The following CFAP77 variants were observed in gnomAD, a reference collection of about 807,000 sequenced individuals.
CFAP77 encodes the protein cilia and flagella associated protein 77, also known as cilia- and flagella-associated protein 77.
CFAP77 carries 25 observed loss-of-function variants against 31.1 expected under a neutral mutation model. That is an observed-to-expected ratio of 0.80 (90% CI 0.59 to 1.12). The LOEUF (loss-of-function observed/expected upper bound fraction) is 1.12. CFAP77 is among the 50% of genes most tolerant of loss of function. The pLI is 0.00. For missense variants in CFAP77, 377 were observed against 397.3 expected (o/e 0.95, Z 0.44); for synonymous variants, 151 against 159.9 (o/e 0.94, Z 0.42).
At chr9:132,458,342 C>CGGGGGGG (rs1554738844) in intron 1 of CFAP77, among the ~76,000 whole-genome samples, 5 of 71,218 alleles carry the variant, frequency 7.0e-5, no homozygotes, top group Admixed American at 3.2e-4. Flanking sequence ...GTCTCCCTGG[C>CGGGGGGG]GGGGGAGGGG....
chr9:132,429,506 C>G (rs913789720), intron 1 of CFAP77, among the ~76,000 whole-genome samples: 3 of 134,486 alleles, frequency 2.2e-5, no homozygotes, highest in Non-Finnish European at 4.6e-5. Flanking sequence ...CCACCGCACT[C>G]TAGCCCAGGT....
chr9:132,498,721 A>G lies in CFAP77; in HGVS notation c.222A>G (p.Arg74=). 2 of 1,612,504 alleles carry G rather than the reference A, an allele frequency of 1.2e-6. No homozygotes were observed. Among genetic ancestry groups the G allele is most frequent in the Non-Finnish European group, 8.5e-7 (1 of 1,179,228 alleles). Reference sequence around the variant, plus strand: ...CTGAACTCGGCAAGCCCCGGGAAAGAAGCTACAGTCTGCCCGGCATTAATT... The same window carrying G: ...CTGAACTCGGCAAGCCCCGGGAAAGGAGCTACAGTCTGCCCGGCATTAATT... ...VKAELGKPRE[R]SYSLPGINFN... The change falls in exon 2 of 6, where the codon AGA becomes AGG. Residue 74 remains arginine, a synonymous_variant. Transcript: ENST00000393216. The surrounding 1 kb of genome is among the most constrained non-coding windows in gnomAD (Gnocchi z 4.2).
chr9:132,457,995 G>T (rs1850952071), intron 1 of CFAP77, among the ~76,000 whole-genome samples: 2 of 152,250 alleles, frequency 1.3e-5, no homozygotes, highest in South Asian at 4.1e-4. Context: ...TAACAGCCCC[G>T]ATCCCTTATT....
At chr9:132,504,012 C>G (rs909868190) in intron 3 of CFAP77, among the ~76,000 whole-genome samples, 1 of 152,142 alleles carries the variant, frequency 6.6e-6, no homozygotes, top group Non-Finnish European at 1.5e-5. Flanking sequence ...GCACTGCAGT[C>G]TGGGTGACAG....
At chr9:132,456,074 T>C (rs1268012832) in intron 1 of CFAP77, among the ~76,000 whole-genome samples, 1 of 152,230 alleles carries the variant, frequency 6.6e-6, no homozygotes, top group Non-Finnish European at 1.5e-5. Context: ...TCCACGAATA[T>C]TTTATGAAGC....
chr9:132,493,318 A>G (rs1851680954), intron 1 of CFAP77, among the ~76,000 whole-genome samples: 1 of 152,204 alleles, frequency 6.6e-6, no homozygotes, highest in African/African-American at 2.4e-5. Context: ...AGCCACTGCT[A>G]TGGGCATTCT....
At chr9:132,461,235 G>C (rs1851045036) in intron 1 of CFAP77, among the ~76,000 whole-genome samples, 1 of 152,204 alleles carries the variant, frequency 6.6e-6, no homozygotes, top group Admixed American at 6.5e-5. Context: ...TGGAACATGA[G>C]AGGAGGAACT....
intron 1 of CFAP77, among the ~76,000 whole-genome samples, chr9:132,421,858 G>T (rs1208112424): frequency 5.3e-5 from 8 of 152,228 alleles, no homozygotes; most frequent in Non-Finnish European, 1.2e-4. Context: ...TGACTCACTA[G>T]ATGTCTCTAA....
intron 1 of CFAP77, among the ~76,000 whole-genome samples, chr9:132,439,690 A>G (rs1392887128): frequency 6.6e-6 from 1 of 151,934 alleles, no homozygotes. Flanking sequence ...ACTAAAAAAT[A>G]CAACAAAAAT....
intron 1 of CFAP77, among the ~76,000 whole-genome samples, chr9:132,486,036 A>G (rs1335950500): frequency 7.2e-5 from 2 of 27,604 alleles, no homozygotes; most frequent in African/African-American, 7.8e-4. Context: ...ATATATATAT[A>G]TATATGTATG....
intron 1 of CFAP77, among the ~76,000 whole-genome samples, chr9:132,444,726 A>T (rs1850679868): frequency 6.6e-6 from 1 of 152,072 alleles, no homozygotes; most frequent in Non-Finnish European, 1.5e-5. Context: ...TTTTTCTTTA[A>T]AATTTTTTAA....
At chr9:132,482,491 C>T in intron 1 of CFAP77, 1 of 1,151,146 alleles carries the variant, frequency 8.7e-7, no homozygotes, top group Non-Finnish European at 1.3e-6. Flanking sequence ...CCGGCTTCCG[C>T]ACACCTACTG....
intron 1 of CFAP77, among the ~76,000 whole-genome samples, chr9:132,478,372 G>A (rs1353286532): frequency 2.7e-5 from 4 of 149,894 alleles, no homozygotes; most frequent in African/African-American, 9.9e-5. Flanking sequence ...GTGAAGACGC[G>A]GCACTGGTTC....
rs1411705205 is a variant in CFAP77 at position 132,545,602 on chromosome 9, C to CCGGCA, written c.732+2556_732+2557insGGCAC. Among the ~76,000 whole-genome samples, 1 of 152,200 alleles carries CCGGCA rather than the reference C, an allele frequency of 6.6e-6. No individual in the cohort carries two copies. The highest frequency in any genetic ancestry group is 1.5e-5 in the Non-Finnish European group (1 of 68,036). ...AATGGGGAATTGTGCCGGGTTCATC[C>CCGGCA]CTGGATGCCACCCTGTCCAACCCAG... On this transcript the variant is annotated intron_variant, in intron 5 of 5. Coordinates refer to ENST00000393216, the MANE Select transcript of CFAP77 (RefSeq NM_001282957.2). This position sits in a 1 kb window ranked among gnomAD's most constrained non-coding sequence, Gnocchi z 4.6.
intron 3 of CFAP77, among the ~76,000 whole-genome samples, chr9:132,514,825 C>T (rs1456344559): frequency 1.3e-5 from 2 of 152,206 alleles, no homozygotes; most frequent in East Asian, 3.9e-4. Flanking sequence ...GCTAGGGAGA[C>T]AGGCGGGGCC....
intron 1 of CFAP77, among the ~76,000 whole-genome samples, chr9:132,477,574 G>A (rs1020225085): frequency 2.6e-5 from 4 of 152,218 alleles, no homozygotes; most frequent in Non-Finnish European, 5.9e-5. Context: ...CTAGCCTTGG[G>A]CAAGGCATTG....
At chr9:132,557,690 C>T (rs936826174) in intron 5 of CFAP77, among the ~76,000 whole-genome samples, 1 of 152,160 alleles carries the variant, frequency 6.6e-6, no homozygotes, top group African/African-American at 2.4e-5. Context: ...CCATGCAAAT[C>T]GAGGCCACTT....
chr9:132,559,766 G>T (rs1417344814), intron 5 of CFAP77, among the ~76,000 whole-genome samples: 1 of 152,186 alleles, frequency 6.6e-6, no homozygotes, highest in Non-Finnish European at 1.5e-5. Flanking sequence ...GTCAAAAGTG[G>T]AAACAACCCA....
At chr9:132,438,543 T>TATATA (rs1564204145) in intron 1 of CFAP77, among the ~76,000 whole-genome samples, 1,503 of 87,896 alleles carry the variant, frequency 0.017, 21 homozygotes, top group Admixed American at 0.052. Flanking sequence ...ATATATATAT[T>TATATA]TTTTTTTTTT....
Sources: allele counts gnomAD v4.1 joint callset (sites outside exome capture counted in the v4.1 genomes callset), GRCh38; gene constraint gnomAD v4.1.1; non-coding constraint Gnocchi (gnomAD v3.1); transcripts MANE v1.5; gene names NCBI Gene and HGNC (gene_info 2026-07-23, HGNC 2026-07-21).